KCNMA1: variants seen among roughly 807,000 people sequenced by gnomAD.
KCNMA1 encodes the protein Calcium-activated potassium channel subunit alpha-1.
A neutral mutation model predicts 140.0 loss-of-function variants in KCNMA1; 29 were observed. The observed-to-expected ratio is 0.21, with a 90% CI of 0.15 to 0.28. The LOEUF is 0.28. Among genes scored for constraint, KCNMA1 ranks in the 10% least tolerant of loss-of-function variants. The probability of loss-of-function intolerance (pLI) is 1.00; values close to 1 mark genes in which losing one functional copy is unlikely to be tolerated. For missense variants in KCNMA1, 880 were observed against 1,602.2 expected (o/e 0.55, Z 7.70); for synonymous variants, 612 against 611.9 (o/e 1.00, Z 0.00).
intron 2 of KCNMA1, among the ~76,000 whole-genome samples, chr10:77,324,951 CTCTCTCTCTCT>C (rs2083482870): frequency 1.5e-5 from 1 of 65,448 alleles, no homozygotes; most frequent in Non-Finnish European, 2.7e-5. Flanking sequence ...CTCTCTCTCT[CTCTCTCTCTCT>C]CTCTCTCTCT....
chr10:76,891,657 C>T lies in KCNMA1; in HGVS notation c.3210G>A (p.Pro1070=), dbSNP rs752923387. 10 of 1,613,976 alleles carry T rather than the reference C, an allele frequency of 6.2e-6. No individual in the cohort carries two copies. The highest frequency in any genetic ancestry group is 3.3e-4 in the Middle Eastern group (2 of 6,084). The change falls in exon 26 of 28, where the codon CCG becomes CCA. Residue 1070 remains proline, a synonymous_variant. Coordinates refer to ENST00000286628, the MANE Select transcript of KCNMA1 (RefSeq NM_001161352.2). ...CCTCAGCAATCAGAGCCTCCAGCTCCGGCGTGGCTCCTCCGGTCACCAGGG... is the reference window on the plus strand; with the variant it reads ...CCTCAGCAATCAGAGCCTCCAGCTCTGGCGTGGCTCCTCCGGTCACCAGGG... ...IRTLVTGGAT[P]ELEALIAEEN...
At chr10:77,434,903 A>T (rs772613946) in intron 1 of KCNMA1, among the ~76,000 whole-genome samples, 1 of 152,208 alleles carries the variant, frequency 6.6e-6, no homozygotes, top group Non-Finnish European at 1.5e-5. Context: ...CATGACTCCT[A>T]TGCTATTCAC....
At chr10:77,362,037 T>C (rs1468997594) in intron 2 of KCNMA1, among the ~76,000 whole-genome samples, 1 of 152,206 alleles carries the variant, frequency 6.6e-6, no homozygotes, top group Non-Finnish European at 1.5e-5. Context: ...CAGTGGCTGC[T>C]GGCAGTTGAT....
At chr10:77,501,910 T>G (rs563079869) in intron 1 of KCNMA1, among the ~76,000 whole-genome samples, 1 of 152,304 alleles carries the variant, frequency 6.6e-6, no homozygotes, top group East Asian at 1.9e-4. Flanking sequence ...AAAGATGCAG[T>G]TCAAATTTGA....
intron 5 of KCNMA1, among the ~76,000 whole-genome samples, chr10:77,144,395 A>C (rs2154029428): frequency 6.6e-6 from 1 of 152,322 alleles, no homozygotes; most frequent in Non-Finnish European, 1.5e-5. Context: ...ATTGAAGCCA[A>C]GATAGTGATT....
At chr10:77,069,298 C>T (rs2096090844) in intron 14 of KCNMA1, among the ~76,000 whole-genome samples, 1 of 152,148 alleles carries the variant, frequency 6.6e-6, no homozygotes, top group Admixed American at 6.5e-5. Context: ...CCAGGATGTT[C>T]GTGCGAACTC....
intron 1 of KCNMA1, among the ~76,000 whole-genome samples, chr10:77,565,500 T>C (rs1306851738): frequency 6.6e-6 from 1 of 152,150 alleles, no homozygotes; most frequent in Non-Finnish European, 1.5e-5. Flanking sequence ...AGCTCAGACA[T>C]GATTGAGAAA....
chr10:77,636,459 A>T, intron 1 of KCNMA1: 1 of 1,536,106 alleles, frequency 6.5e-7, no homozygotes, highest in Non-Finnish European at 8.7e-7. Context: ...CCTCAGGCGG[A>T]CTCCCGCTCC....
At chr10:77,107,161 G>A (rs535204625) in intron 9 of KCNMA1, among the ~76,000 whole-genome samples, 2 of 152,236 alleles carry the variant, frequency 1.3e-5, no homozygotes, top group Admixed American at 1.3e-4. Context: ...GCAGTGGAGG[G>A]AAATACAATG....
intron 23 of KCNMA1, among the ~76,000 whole-genome samples, chr10:76,940,481 C>T (rs2061662743): frequency 6.6e-6 from 1 of 152,206 alleles, no homozygotes; most frequent in East Asian, 1.9e-4. Context: ...GGGTTGCATG[C>T]ATATTCTGGC....
chr10:77,582,258 G>A (rs539324193), intron 1 of KCNMA1, among the ~76,000 whole-genome samples: 1 of 152,304 alleles, frequency 6.6e-6, no homozygotes, highest in African/African-American at 2.4e-5. Flanking sequence ...GATTGGCCTT[G>A]GCAAGTTATT....
chr10:77,278,665 C>G (rs2067422407), intron 2 of KCNMA1, among the ~76,000 whole-genome samples: 1 of 151,956 alleles, frequency 6.6e-6, no homozygotes, highest in African/African-American at 2.4e-5. Flanking sequence ...AAAAGCAAAG[C>G]AAAAATTAAA....
At chr10:77,575,412 C>T (rs533624422) in intron 1 of KCNMA1, among the ~76,000 whole-genome samples, 1 of 152,282 alleles carries the variant, frequency 6.6e-6, no homozygotes, top group Admixed American at 6.5e-5. Context: ...ACAGCCACCA[C>T]ATTGCAATTC....
chr10:76,903,319 A>T (rs952453664), intron 25 of KCNMA1: 21 of 152,338 alleles, frequency 1.4e-4, no homozygotes, highest in African/African-American at 5.1e-4. Flanking sequence ...CATTGCCTTA[A>T]CTTTAATGGC....
intron 14 of KCNMA1, among the ~76,000 whole-genome samples, chr10:77,068,569 G>A (rs767138646): frequency 7.9e-5 from 12 of 151,548 alleles, no homozygotes; most frequent in South Asian, 6.3e-4. Context: ...CATTTCACCC[G>A]CAAATTCCAA....
intron 14 of KCNMA1, among the ~76,000 whole-genome samples, chr10:77,045,119 A>G (rs1410822026): frequency 6.6e-6 from 1 of 152,216 alleles, no homozygotes; most frequent in Non-Finnish European, 1.5e-5. Flanking sequence ...GAAACTTCCT[A>G]GCCTACAACT....
Position 77,506,596 on chromosome 10 carries a change from A to AGAGAGAGAGAGAGTGTGTGTGTGTGTGT in KCNMA1, c.379-102574_379-102573insACACACACACACACACTCTCTCTCTCTC. Among the ~76,000 whole-genome samples the AGAGAGAGAGAGAGTGTGTGTGTGTGTGT allele has an allele frequency of 7.2e-5, 6 of 83,528 alleles. 1 individual carries two copies. The highest frequency in any genetic ancestry group is 4.5e-4 in the African/African-American group (6 of 13,374). 54.8% of individuals were successfully genotyped at this position (83,528 alleles called of 152,430 possible). ...TAGAGAGAGAGAGAGAGAGAGAGAG[A>AGAGAGAGAGAGAGTGTGTGTGTGTGTGT]GTGTGTGTGTGTGTGTGTGTGTGTT... On this transcript the variant is annotated intron_variant, in intron 1 of 27. Transcript: ENST00000286628.
At chr10:77,088,047 A>G (rs954832222) in intron 10 of KCNMA1, among the ~76,000 whole-genome samples, 6 of 152,152 alleles carry the variant, frequency 3.9e-5, no homozygotes, top group African/African-American at 1.4e-4. Flanking sequence ...GCTCACTGCA[A>G]CTTCCCAGGT....
intron 1 of KCNMA1, among the ~76,000 whole-genome samples, chr10:77,567,426 C>T (rs140677449): frequency 3.3e-5 from 5 of 152,176 alleles, no homozygotes; most frequent in African/African-American, 1.2e-4. Context: ...TCCAGATAAG[C>T]GTGTGTAACT....
Sources: allele counts gnomAD v4.1 joint callset (sites outside exome capture counted in the v4.1 genomes callset), GRCh38; gene constraint gnomAD v4.1.1; transcripts MANE v1.5; gene names NCBI Gene and HGNC (gene_info 2026-07-23, HGNC 2026-07-21).